Variants in NOX1 observed in about 807,000 individuals in gnomAD.
The protein encoded by NOX1 is NADPH oxidase 1, also known as NADH/NADPH mitogenic oxidase subunit P65-MOX.
In NOX1, 34 loss-of-function variants were observed where a neutral mutation model predicts 42.5. The observed-to-expected ratio is 0.80, with a 90% CI of 0.61 to 1.07. NOX1 has a LOEUF of 1.07. NOX1 is among the 50% of genes least tolerant of loss of function. The pLI is 0.00. For synonymous variants in NOX1, 143 were observed against 152.5 expected (o/e 0.94, Z 0.46); for missense variants, 408 against 427.0 (o/e 0.96, Z 0.39).
Position 100,874,317 on chromosome X carries a change from C to T in NOX1, c.-178G>A. On this transcript the variant is annotated 5_prime_UTR_variant, in exon 1 of 13. Transcript: ENST00000372966. The stretch of plus-strand genomic sequence containing the variant: ...GGAATGAATAAGTTTATTCTGCCTT[C>T]CTTCTCTGGACAGAACTGTGCTATC... 1 of 433,934 alleles carries T rather than the reference C, an allele frequency of 2.3e-6. No individual in the cohort carries two copies. The highest frequency in any genetic ancestry group is 4.1e-6 in the Non-Finnish European group (1 of 243,936). The allele number at this position is 433,934 out of a possible 1,213,427, so 35.8% of individuals were successfully genotyped here.
chrX:100,852,590 C>G (rs2085122499), intron 7 of NOX1, among the ~76,000 whole-genome samples: 1 of 112,458 alleles, frequency 8.9e-6, no homozygotes, highest in South Asian at 3.6e-4. Flanking sequence ...TAAATTATGT[C>G]CTTTCTTGCA....
At chrX:100,853,022 A>G (rs1171954956) in intron 7 of NOX1, among the ~76,000 whole-genome samples, 1 of 112,010 alleles carries the variant, frequency 8.9e-6, no homozygotes, top group Non-Finnish European at 1.9e-5. Flanking sequence ...ACATCTTCCC[A>G]GAGAGCAGTT....
At chrX:100,855,789 C>T (rs2085162890) in intron 7 of NOX1, 12 of 1,062,823 alleles carry the variant, frequency 1.1e-5, no homozygotes, top group South Asian at 5.6e-5. Context: ...ACCACCTCCA[C>T]GACCACTTCG....
chrX:100,873,512 A>G (rs971333425), intron 1 of NOX1, among the ~76,000 whole-genome samples: 3 of 112,370 alleles, frequency 2.7e-5, no homozygotes, highest in Non-Finnish European at 5.6e-5. Context: ...TGAAAGACTC[A>G]GTAAAAATAA....
chrX:100,850,421 CTCTA>C (rs771222093), intron 8 of NOX1, 35 bp from the exon 9 acceptor site: 29 of 957,844 alleles, frequency 3.0e-5, no homozygotes, highest in Non-Finnish European at 4.2e-5. Flanking sequence ...AGAAAGCAAA[CTCTA>C]ATGACGACAG....
At chrX:100,859,218 A>G (rs113019394) in intron 7 of NOX1, among the ~76,000 whole-genome samples, 1 of 112,113 alleles carries the variant, frequency 8.9e-6, no homozygotes, top group Non-Finnish European at 1.9e-5. Flanking sequence ...AGTTCTCTTT[A>G]TGTGATGAAT....
chrX:100,843,504 ATTAT>A lies in NOX1; in HGVS notation c.*444_*447del. 9.6e-7 allele frequency: 1 copy of A among 1,043,373 alleles called. No homozygotes were observed. The highest frequency in any genetic ancestry group is 3.8e-4 in the Middle Eastern group (1 of 2,646). The allele number at this position is 1,043,373 out of a possible 1,213,427, so 86.0% of individuals were successfully genotyped here. ...TGTTTATTATTATGTTTTATCATTA[ATTAT>A]TCAATAAATTTTTATTTAAAAAGTC... On this transcript the variant is annotated 3_prime_UTR_variant, in exon 13 of 13. Coordinates refer to ENST00000372966, the MANE Select transcript of NOX1 (RefSeq NM_007052.5).
At chrX:100,852,034 C>T (rs1012389526) in intron 7 of NOX1, among the ~76,000 whole-genome samples, 3 of 112,691 alleles carry the variant, frequency 2.7e-5, no homozygotes, top group Non-Finnish European at 5.6e-5. Flanking sequence ...TGATTAAAAA[C>T]AAAACAAACA....
At chrX:100,850,485 G>C in intron 8 of NOX1, 99 bp from the exon 9 acceptor site, 1 of 529,896 alleles carries the variant, frequency 1.9e-6, no homozygotes, top group East Asian at 3.6e-5. Flanking sequence ...GGTGACAGTG[G>C]TGAACTACAA....
rs112360771 is a variant in NOX1 at position 100,855,872 on chromosome X, A to G, written c.805-4547T>C. 9.1e-5 allele frequency: 106 copies of G among 1,166,205 alleles called. 6 individuals carry two copies. Among genetic ancestry groups the G allele is most frequent in the African/African-American group, 7.9e-4 (45 of 56,729 alleles). On this transcript the variant is annotated intron_variant, in intron 7 of 12. Coordinates refer to ENST00000372966, the MANE Select transcript of NOX1 (RefSeq NM_007052.5). Reference sequence around the variant, plus strand: ...CTTTCCTAACTTCACAGTTGTGGCCATTCACAGTATGGTATTTCGGAATGA... The same window carrying G: ...CTTTCCTAACTTCACAGTTGTGGCCGTTCACAGTATGGTATTTCGGAATGA...
chrX:100,872,121 C>T (rs752331120), intron 1 of NOX1, among the ~76,000 whole-genome samples: 4 of 111,815 alleles, frequency 3.6e-5, no homozygotes, highest in Non-Finnish European at 7.5e-5. Context: ...GTGTCACCAC[C>T]GAACCTGCTT....
intron 8 of NOX1, 99 bp from the exon 9 acceptor site, chrX:100,850,485 G>T: frequency 1.9e-6 from 1 of 529,896 alleles, no homozygotes. Flanking sequence ...GGTGACAGTG[G>T]TGAACTACAA....
rs1434871736 is a variant in NOX1, at chrX:100,843,400, A to G, written c.*552T>C. Reference sequence around the variant, plus strand: ...ATTGCTGTTCACACTGGATAAGACCATATCAAAAGTGACAGTAAACATGTA... The same window carrying G: ...ATTGCTGTTCACACTGGATAAGACCGTATCAAAAGTGACAGTAAACATGTA... On this transcript the variant is annotated 3_prime_UTR_variant, in exon 13 of 13. Transcript: ENST00000372966. The G allele has an allele frequency of 8.7e-7, 1 of 1,146,293 alleles. No individual in the cohort carries two copies. The highest frequency in any genetic ancestry group is 2.8e-5 in the Admixed American group (1 of 35,486). 94.5% of individuals were successfully genotyped at this position (1,146,293 alleles called of 1,213,427 possible).
Position 100,862,381 on chromosome X carries a change from G to C in NOX1, c.671+11C>G. On this transcript the variant is annotated intron_variant, in intron 6 of 12. Transcript: ENST00000372966. ...GGCTGGGGCATGAGAATGAGGGTTCGAGGATCTTACCCAATGCCGTGAATC... is the reference window on the plus strand; with the variant it reads ...GGCTGGGGCATGAGAATGAGGGTTCCAGGATCTTACCCAATGCCGTGAATC... The C allele has an allele frequency of 8.3e-7, 1 of 1,210,024 alleles. No individual in the cohort carries two copies. Among genetic ancestry groups the C allele is most frequent in the African/African-American group, 1.7e-5 (1 of 57,788 alleles).
At chrX:100,863,268 C>T in intron 3 of NOX1, 25 bp from the exon 4 acceptor site, 1 of 1,098,049 alleles carries the variant, frequency 9.1e-7, no homozygotes, top group African/African-American at 1.8e-5. Context: ...TGATCATGGT[C>T]AGATGTCGCC....
chrX:100,858,176 C>T (rs74865586), intron 7 of NOX1, among the ~76,000 whole-genome samples: 8,212 of 111,622 alleles, frequency 0.074, 769 homozygotes, highest in African/African-American at 0.25. Flanking sequence ...CCAGCACCAC[C>T]TATTGAACAG....
intron 2 of NOX1, among the ~76,000 whole-genome samples, chrX:100,870,104 G>T (rs1237301544): frequency 1.3e-4 from 14 of 104,001 alleles, no homozygotes; most frequent in Non-Finnish European, 2.0e-4. Flanking sequence ...GTTCATCAAG[G>T]ATATTGGTCT....
chrX:100,849,485 G>C (rs1226577679), intron 10 of NOX1, 59 bp from the exon 11 acceptor site: 3 of 1,116,388 alleles, frequency 2.7e-6, no homozygotes, highest in Non-Finnish European at 3.6e-6. Flanking sequence ...CACATTTATA[G>C]AGCCGCAAAC....
intron 7 of NOX1, among the ~76,000 whole-genome samples, chrX:100,853,270 CTTTCTTTCTTT>C (rs2085131057): frequency 2.5e-5 from 1 of 39,961 alleles, no homozygotes; most frequent in Non-Finnish European, 4.8e-5. Flanking sequence ...TCCTTTCTTT[CTTTCTTTCTTT>C]CTTTCTTTCT....
Sources: gnomAD v4.1 joint callset for allele counts (sites outside exome capture counted in the v4.1 genomes callset) on GRCh38, gnomAD v4.1.1 for gene constraint, MANE v1.5 for transcripts, NCBI Gene and HGNC (gene_info 2026-07-23, HGNC 2026-07-21) for gene names.